The following XRN1 variants were observed in gnomAD, a reference collection of about 807,000 sequenced individuals.
XRN1 encodes 5'-3' exoribonuclease 1.
A neutral mutation model predicts 222.3 loss-of-function variants in XRN1; 67 were observed. The ratio of observed to expected loss-of-function variants is 0.30; its 90% CI spans 0.25 to 0.37. The LOEUF is 0.37. XRN1 is among the 10% of genes least tolerant of loss of function. The pLI is 1.00. For missense variants in XRN1, 1,707 were observed against 2,000.2 expected, an observed-to-expected ratio of 0.85 and a Z score of 2.80; for synonymous variants, 643 against 652.4, an observed-to-expected ratio of 0.99 and a Z score of 0.22.
chr3:142,318,151 T>C (rs2065256396), intron 39 of XRN1, among the ~76,000 whole-genome samples: 2 of 152,150 alleles, frequency 1.3e-5, no homozygotes, highest in South Asian at 4.1e-4. Flanking sequence ...ACAATAATAA[T>C]TAAGATAAAG....
At position 142,310,745 on chromosome 3, in the gene XRN1, AC is replaced by A. The variant is rs1269518316; in HGVS notation, c.*765del. 3 of 152,636 alleles carry A rather than the reference AC, an allele frequency of 2.0e-5. No individual in the cohort carries two copies. The highest frequency in any genetic ancestry group is 4.4e-5 in the Non-Finnish European group (3 of 68,030). The allele number at this position is 152,636 out of a possible 1,614,324, so 9.5% of individuals were successfully genotyped here. ...TAGAAGATTAATTTGTAATCATTGT[AC>A]CCTGTAGATTTTGAAACAATTTTAC... is the stretch of plus-strand genomic sequence containing the variant. On this transcript the variant is annotated 3_prime_UTR_variant, in exon 41 of 41. Coordinates refer to ENST00000392981, the MANE Select transcript of XRN1 (RefSeq NM_001282857.2).
chr3:142,415,400 G>A (rs2108078705), intron 13 of XRN1, among the ~76,000 whole-genome samples: 1 of 152,332 alleles, frequency 6.6e-6, no homozygotes, highest in South Asian at 2.1e-4. Context: ...TTTGGAATCA[G>A]ACAGGCTTTG....
intron 1 of XRN1, among the ~76,000 whole-genome samples, chr3:142,444,592 G>A (rs1364266925): frequency 6.6e-6 from 1 of 152,184 alleles, no homozygotes; most frequent in Non-Finnish European, 1.5e-5. Flanking sequence ...CGGGGTGACA[G>A]AGCGCGACCT....
chr3:142,350,970 G>A (rs566516633), intron 32 of XRN1, among the ~76,000 whole-genome samples: 7 of 152,254 alleles, frequency 4.6e-5, no homozygotes, highest in Non-Finnish European at 1.0e-4. Context: ...TGAACACTGA[G>A]TCTAAATATC....
chr3:142,312,476 A>C (rs2065102479), intron 40 of XRN1, 122 bp downstream of exon 40: 9 of 974,278 alleles, frequency 9.2e-6, no homozygotes, highest in Admixed American at 3.2e-5. Flanking sequence ...TTGCCTTCTT[A>C]CTACCCACAC....
At chr3:142,369,798 C>A (rs1257985238) in intron 27 of XRN1, among the ~76,000 whole-genome samples, 1 of 151,758 alleles carries the variant, frequency 6.6e-6, no homozygotes, top group Non-Finnish European at 1.5e-5. Flanking sequence ...GTAATCCCAG[C>A]ACTTTGTGAG....
At chr3:142,328,295 A>C (rs572889561) in intron 37 of XRN1, among the ~76,000 whole-genome samples, 247 of 152,212 alleles carry the variant, frequency 1.6e-3, no homozygotes, top group African/African-American at 5.8e-3. Flanking sequence ...CCCTCCTAGT[A>C]CTACTTTTGC....
intron 2 of XRN1, among the ~76,000 whole-genome samples, chr3:142,431,750 G>A (rs974872269): frequency 5.1e-5 from 7 of 137,110 alleles, no homozygotes; most frequent in African/African-American, 1.6e-4. Context: ...CTGGGAGGCG[G>A]AGGTTGTAAT....
chr3:142,443,014 T>G (rs374886982), intron 1 of XRN1, among the ~76,000 whole-genome samples: 1 of 152,202 alleles, frequency 6.6e-6, no homozygotes, highest in Non-Finnish European at 1.5e-5. Flanking sequence ...ATTACAGGCG[T>G]GAGCCACCGC....
rs1271693198 is a variant in XRN1 at position 142,424,052 on chromosome 3, G to GAA, written c.628-412_628-411dup. Reference sequence around the variant, plus strand: ...ATAGCCCCAGTATATGAAAACTCAGGAAAAAAAAAAATGGAAAAGAGCACT... The same window carrying GAA: ...ATAGCCCCAGTATATGAAAACTCAGGAAAAAAAAAAAAATGGAAAAGAGCACT... On this transcript the variant is annotated intron_variant, in intron 5 of 40. Coordinates refer to ENST00000392981, the MANE Select transcript of XRN1 (RefSeq NM_001282857.2). Among the ~76,000 whole-genome samples, 750 of 143,614 alleles carry GAA rather than the reference G, an allele frequency of 5.2e-3. 8 individuals are homozygous for GAA. Among genetic ancestry groups the GAA allele is most frequent in the African/African-American group, 0.018 (727 of 39,838 alleles). 94.2% of individuals were successfully genotyped at this position (143,614 alleles called of 152,430 possible).
chr3:142,434,510 C>CTTTTTTTTTTTTTTTTTTTCACT (rs371969192), intron 1 of XRN1, among the ~76,000 whole-genome samples: 1 of 130,668 alleles, frequency 7.7e-6, no homozygotes, highest in African/African-American at 2.8e-5. Context: ...TTTTTTTACA[C>CTTTTTTTTTTTTTTTTTTTCACT]TTTTTTTTTT....
Position 142,329,530 on chromosome 3 carries a change from C to A in XRN1, c.4308G>T (p.Gln1436His). 1 of 1,601,646 alleles carries A rather than the reference C, an allele frequency of 6.2e-7. No individual in the cohort carries two copies. Among genetic ancestry groups the A allele is most frequent in the Middle Eastern group, 1.7e-4 (1 of 6,040 alleles). ...MDNMCWPAPS[Q>H]IPPVSTPVTE... ...TTACTGGTGTGGATACAGGAGGGATCTGGCTGGGGGCAGGCCAACACATAT... is the reference window on the plus strand; with the variant it reads ...TTACTGGTGTGGATACAGGAGGGATATGGCTGGGGGCAGGCCAACACATAT... The change falls in exon 37 of 41, where the codon CAG becomes CAT. Residue 1436 changes from glutamine (Q) to histidine (H), a missense_variant. Physicochemically the swap from Gln to His is conservative, Grantham distance 24. This residue lies in a region of XRN1 where 473 missense variants were observed against 482.0 expected (regional missense o/e 0.98). Coordinates refer to ENST00000392981, the MANE Select transcript of XRN1 (RefSeq NM_001282857.2).
At chr3:142,357,172 A>G in intron 30 of XRN1, 53 bp from the exon 31 acceptor site, 1 of 1,509,770 alleles carries the variant, frequency 6.6e-7, no homozygotes, top group Non-Finnish European at 9.0e-7. Flanking sequence ...TAAATGTGTT[A>G]GGGAGAAAAG....
In XRN1 at chr3:142,311,362, A is replaced by G; in HGVS notation, c.*149T>C. 1.4e-6 allele frequency: 1 copy of G among 697,678 alleles called. No individual in the cohort carries two copies. The highest frequency in any genetic ancestry group is 2.9e-5 in the East Asian group (1 of 34,878). 43.2% of individuals were successfully genotyped at this position (697,678 alleles called of 1,614,324 possible). A position where few individuals can be genotyped will look rare whatever the true frequency, so the allele number is the denominator to read the frequency against. ...ATACACAGTCTTTTAAACAGCATGA[A>G]AAGTGCCTGATAACTTAAAAATGAA... On this transcript the variant is annotated 3_prime_UTR_variant, in exon 41 of 41. Coordinates refer to ENST00000392981, the MANE Select transcript of XRN1 (RefSeq NM_001282857.2).
chr3:142,411,967 C>T (rs186020323), intron 15 of XRN1, among the ~76,000 whole-genome samples: 241 of 152,040 alleles, frequency 1.6e-3, no homozygotes, highest in African/African-American at 4.6e-3. Context: ...GGACTACAGG[C>T]GCCCGCCACC....
chr3:142,319,354 C>T (rs1016235725), intron 37 of XRN1, among the ~76,000 whole-genome samples: 2 of 152,028 alleles, frequency 1.3e-5, no homozygotes, highest in Non-Finnish European at 2.9e-5. Flanking sequence ...TTTGCTGACT[C>T]ATGTTTATAC....
At chr3:142,354,694 C>T (rs981980885) in intron 32 of XRN1, among the ~76,000 whole-genome samples, 1 of 152,042 alleles carries the variant, frequency 6.6e-6, no homozygotes, top group African/African-American at 2.4e-5. Flanking sequence ...GAGTAGCTGG[C>T]TAATTTTTGT....
At chr3:142,444,449 A>T (rs1345602193) in intron 1 of XRN1, among the ~76,000 whole-genome samples, 2 of 152,138 alleles carry the variant, frequency 1.3e-5, no homozygotes, top group East Asian at 3.9e-4. Flanking sequence ...CATGTCTACT[A>T]AGAACACAAA....
intron 20 of XRN1, 139 bp from the exon 21 acceptor site, chr3:142,384,824 A>G: frequency 1.6e-6 from 1 of 615,090 alleles, no homozygotes; most frequent in South Asian, 2.7e-5. Flanking sequence ...TAGCAGTTCC[A>G]GGTACCTAAC....
Sources: allele counts gnomAD v4.1 joint callset (sites outside exome capture counted in the v4.1 genomes callset), GRCh38; gene constraint gnomAD v4.1.1; regional missense constraint gnomAD v4.1.1; transcripts MANE v1.5; gene names NCBI Gene and HGNC (gene_info 2026-07-23, HGNC 2026-07-21).